Variants in MLLT3 observed in about 807,000 individuals in gnomAD.
The protein encoded by MLLT3 is protein AF-9.
Under a neutral mutation model 53.2 loss-of-function variants are expected in MLLT3, and 4 were observed. That is an observed-to-expected ratio of 0.08 (90% CI 0.04 to 0.17). MLLT3 has a LOEUF of 0.17. Among genes scored for constraint, MLLT3 ranks in the 10% least tolerant of loss-of-function variants. The probability of loss-of-function intolerance (pLI) is 1.00; values close to 1 mark genes in which losing one functional copy is unlikely to be tolerated. For synonymous variants in MLLT3, 283 were observed against 230.6 expected (o/e 1.23, Z -2.06); for missense variants, 569 against 684.0 (o/e 0.83, Z 1.87).
chr9:20,496,788 T>G (rs984468959), intron 2 of MLLT3, among the ~76,000 whole-genome samples: 4 of 152,190 alleles, frequency 2.6e-5, no homozygotes, highest in Non-Finnish European at 5.9e-5. Context: ...CAGGCTTATC[T>G]TTGCTCTTCT....
intron 2 of MLLT3, among the ~76,000 whole-genome samples, chr9:20,580,789 G>A (rs749178590): frequency 5.3e-5 from 8 of 152,098 alleles, no homozygotes; most frequent in Admixed American, 1.3e-4. Context: ...TGTATTAGAC[G>A]TAGCATTCTA....
intron 2 of MLLT3, among the ~76,000 whole-genome samples, chr9:20,577,372 G>A (rs1819680955): frequency 6.6e-6 from 1 of 152,126 alleles, no homozygotes; most frequent in African/African-American, 2.4e-5. Flanking sequence ...GTTTGATCCA[G>A]GAGTATAACC....
At chr9:20,489,929 T>C (rs999513540) in intron 2 of MLLT3, among the ~76,000 whole-genome samples, 1 of 151,686 alleles carries the variant, frequency 6.6e-6, no homozygotes, top group Non-Finnish European at 1.5e-5. Flanking sequence ...ATGAAAAAAA[T>C]AAGGAGAGAA....
chr9:20,507,384 C>T (rs1367660064), intron 2 of MLLT3, among the ~76,000 whole-genome samples: 1 of 152,084 alleles, frequency 6.6e-6, no homozygotes, highest in Non-Finnish European at 1.5e-5. Context: ...AATTGCCTCC[C>T]CCAAGTTGAC....
intron 2 of MLLT3, among the ~76,000 whole-genome samples, chr9:20,605,285 T>C (rs1820533278): frequency 6.6e-6 from 1 of 152,122 alleles, no homozygotes; most frequent in Non-Finnish European, 1.5e-5. Flanking sequence ...ATCATCTGGT[T>C]ACTATCAATG....
chr9:20,483,034 C>T (rs971497408), intron 2 of MLLT3, among the ~76,000 whole-genome samples: 3 of 151,708 alleles, frequency 2.0e-5, no homozygotes, highest in African/African-American at 7.3e-5. Flanking sequence ...TGACAAATGA[C>T]AAGTGATTCT....
intron 8 of MLLT3, among the ~76,000 whole-genome samples, chr9:20,355,936 G>C (rs1014866695): frequency 6.6e-6 from 1 of 152,144 alleles, no homozygotes; most frequent in African/African-American, 2.4e-5. Context: ...TTTTAAGAAT[G>C]AGTCCACTTT....
chr9:20,438,735 G>T (rs143369827), intron 4 of MLLT3, among the ~76,000 whole-genome samples: 3 of 151,992 alleles, frequency 2.0e-5, no homozygotes, highest in African/African-American at 7.2e-5. Flanking sequence ...TTTTTAATTT[G>T]CCCAAAGACA....
At chr9:20,406,360 T>C (rs969781641) in intron 5 of MLLT3, among the ~76,000 whole-genome samples, 1 of 152,214 alleles carries the variant, frequency 6.6e-6, no homozygotes, top group African/African-American at 2.4e-5. Context: ...GACCACCTCA[T>C]GCAGTGACCG....
At chr9:20,412,104 G>T (rs533535031) in intron 5 of MLLT3, 2 of 152,176 alleles carry the variant, frequency 1.3e-5, no homozygotes, top group South Asian at 4.2e-4. Flanking sequence ...TATACTAGAA[G>T]AATTGCAATG....
chr9:20,510,613 G>GA (rs36032614), intron 2 of MLLT3, among the ~76,000 whole-genome samples: 26,919 of 105,724 alleles, frequency 0.25, 3,269 homozygotes, highest in African/African-American at 0.34. Context: ...CTCCATCTCA[G>GA]AAAAAAAAAA....
At chr9:20,372,689 T>C (rs1458121117) in intron 5 of MLLT3, among the ~76,000 whole-genome samples, 3 of 150,206 alleles carry the variant, frequency 2.0e-5, no homozygotes, top group African/African-American at 7.4e-5. Context: ...ATTACAGGCA[T>C]GAGCCACCAC....
At chr9:20,417,950 C>T (rs539192673) in intron 4 of MLLT3, among the ~76,000 whole-genome samples, 1 of 152,140 alleles carries the variant, frequency 6.6e-6, no homozygotes, top group Non-Finnish European at 1.5e-5. Flanking sequence ...TCTTGGCTTC[C>T]GTTTCTTCCC....
intron 2 of MLLT3, among the ~76,000 whole-genome samples, chr9:20,537,579 C>A (rs928398195): frequency 6.6e-6 from 1 of 152,144 alleles, no homozygotes; most frequent in African/African-American, 2.4e-5. Flanking sequence ...TGCCAATTCA[C>A]ATGTATACAT....
rs138639578 is a variant in MLLT3, at chr9:20,448,703, G to A, written c.277-437C>T. The stretch of plus-strand genomic sequence containing the variant: ...GCCCAAACTATAAACTCTCTACTTT[G>A]GGATATATTCTCTTCAATTCCTCCT... On this transcript the variant is annotated intron_variant, in intron 3 of 10. Transcript: ENST00000380338. The surrounding 1 kb of genome is among the most constrained non-coding windows in gnomAD (Gnocchi z 4.0). Among the ~76,000 whole-genome samples, 1 of 152,134 alleles carries A rather than the reference G, an allele frequency of 6.6e-6. No homozygotes were observed. Among genetic ancestry groups the A allele is most frequent in the African/African-American group, 2.4e-5 (1 of 41,520 alleles).
At chr9:20,572,996 T>G (rs987150508) in intron 2 of MLLT3, among the ~76,000 whole-genome samples, 3 of 152,200 alleles carry the variant, frequency 2.0e-5, no homozygotes, top group Non-Finnish European at 4.4e-5. Context: ...GCATATAAAA[T>G]GAAGTACCTC....
intron 2 of MLLT3, among the ~76,000 whole-genome samples, chr9:20,465,001 A>C (rs999600704): frequency 6.6e-6 from 1 of 152,134 alleles, no homozygotes; most frequent in Non-Finnish European, 1.5e-5. Context: ...AGATTTTATA[A>C]GTAGACATAA....
At position 20,620,414 on chromosome 9, in the gene MLLT3, T is replaced by A. The variant is rs1382248225; in HGVS notation, c.193+240A>T. Among the ~76,000 whole-genome samples, 2 of 151,692 alleles carry A rather than the reference T, an allele frequency of 1.3e-5. No individual in the cohort carries two copies. The highest frequency in any genetic ancestry group is 4.0e-4 in the East Asian group (2 of 5,062). On this transcript the variant is annotated intron_variant, in intron 2 of 10. Coordinates refer to ENST00000380338, the MANE Select transcript of MLLT3 (RefSeq NM_004529.4). The surrounding 1 kb of genome is among the most constrained non-coding windows in gnomAD (Gnocchi z 6.1). The stretch of plus-strand genomic sequence containing the variant: ...AGGACTGGTGAGGGCTGGCTTGGGA[T>A]GAATAAACACTCGACACCTGACGGT...
intron 5 of MLLT3, among the ~76,000 whole-genome samples, chr9:20,393,594 T>C (rs1277939373): frequency 6.6e-6 from 1 of 152,234 alleles, no homozygotes; most frequent in Non-Finnish European, 1.5e-5. Flanking sequence ...GGTTACATGC[T>C]ATGAAAAGGT....
Sources: gnomAD v4.1 joint callset for allele counts (sites outside exome capture counted in the v4.1 genomes callset) on GRCh38, gnomAD v4.1.1 for gene constraint, Gnocchi (gnomAD v3.1) non-coding constraint, MANE v1.5 for transcripts, NCBI Gene and HGNC (gene_info 2026-07-23, HGNC 2026-07-21) for gene names.